SRBD1: variants seen among roughly 807,000 people sequenced by gnomAD.
The protein encoded by SRBD1 is S1 RNA-binding domain-containing protein 1.
In SRBD1, 88 loss-of-function variants were observed where a neutral mutation model predicts 115.3. The observed-to-expected ratio is 0.76, with a 90% confidence interval of 0.64 to 0.91. The LOEUF (loss-of-function observed/expected upper bound fraction) is 0.91, where lower values mean the gene tolerates loss of function less well. SRBD1 is among the 40% of genes least tolerant of loss of function. SRBD1 has a pLI of 0.00. For missense variants in SRBD1, 1,385 were observed against 1,177.4 expected (o/e 1.18, Z -2.58); for synonymous variants, 509 against 407.7 (o/e 1.25, Z -2.99).
chr2:45,538,639 G>A (rs953065568), intron 14 of SRBD1, among the ~76,000 whole-genome samples: 1 of 152,198 alleles, frequency 6.6e-6, no homozygotes, highest in Non-Finnish European at 1.5e-5. Context: ...AGCCAGGAAC[G>A]AACATGAGTT....
chr2:45,476,943 G>C, intron 16 of SRBD1, 50 bp downstream of exon 16: 1 of 1,533,544 alleles, frequency 6.5e-7, no homozygotes, highest in Non-Finnish European at 9.0e-7. Flanking sequence ...TTTGAGTACT[G>C]CTCCTTGTAT....
intron 2 of SRBD1, among the ~76,000 whole-genome samples, 168 bp from the exon 3 acceptor site, chr2:45,602,251 G>C (rs1420244710): frequency 6.6e-6 from 1 of 152,206 alleles, no homozygotes; most frequent in African/African-American, 2.4e-5. Context: ...TGAACCAACA[G>C]AGTTGATGAC....
chr2:45,590,755 G>A (rs947155688), intron 4 of SRBD1, among the ~76,000 whole-genome samples: 3 of 152,156 alleles, frequency 2.0e-5, no homozygotes, highest in African/African-American at 7.2e-5. Context: ...GGTGGCTCAT[G>A]CCTGTAATCC....
intron 14 of SRBD1, 106 bp from the exon 15 acceptor site, chr2:45,488,437 C>A: frequency 8.9e-6 from 7 of 782,496 alleles, no homozygotes; most frequent in South Asian, 1.6e-5. Context: ...AATAACAGGG[C>A]AAACTGTTCT....
At chr2:45,564,331 A>G (rs765456749) in intron 9 of SRBD1, among the ~76,000 whole-genome samples, 15 of 152,196 alleles carry the variant, frequency 9.9e-5, no homozygotes, top group Non-Finnish European at 1.8e-4. Flanking sequence ...GAAATCTCAC[A>G]GCTAACATCA....
chr2:45,419,933 T>G (rs756148389), intron 16 of SRBD1, 39 bp from the exon 17 acceptor site: 6 of 1,489,592 alleles, frequency 4.0e-6, no homozygotes, highest in Non-Finnish European at 5.6e-6. Context: ...GTGAAGGAGA[T>G]GTAGTTCTTG....
At chr2:45,522,165 T>TA (rs1272188995) in intron 14 of SRBD1, among the ~76,000 whole-genome samples, 1 of 151,444 alleles carries the variant, frequency 6.6e-6, no homozygotes, top group Non-Finnish European at 1.5e-5. Context: ...AAATCTAAAA[T>TA]AAAAAAATGC....
At chr2:45,504,009 C>T (rs561627782) in intron 14 of SRBD1, among the ~76,000 whole-genome samples, 162 of 152,178 alleles carry the variant, frequency 1.1e-3, no homozygotes, top group African/African-American at 3.9e-3. Flanking sequence ...AAGCAAGAAG[C>T]TTTCTTTACT....
intron 7 of SRBD1, among the ~76,000 whole-genome samples, chr2:45,577,018 T>A (rs1673199885): frequency 6.6e-6 from 1 of 152,062 alleles, no homozygotes; most frequent in South Asian, 2.1e-4. Flanking sequence ...CAGGTACTTG[T>A]TAAAACTATG....
intron 5 of SRBD1, among the ~76,000 whole-genome samples, chr2:45,583,855 A>G (rs1191326217): frequency 6.6e-6 from 1 of 152,200 alleles, no homozygotes; most frequent in African/African-American, 2.4e-5. Flanking sequence ...CTAATATTCA[A>G]TGTATTCCCC....
intron 4 of SRBD1, among the ~76,000 whole-genome samples, chr2:45,591,097 G>C (rs1417193284): frequency 3.3e-5 from 5 of 151,974 alleles, no homozygotes; most frequent in Non-Finnish European, 7.4e-5. Context: ...GACAAATACA[G>C]GAGTCATGCA....
intron 20 of SRBD1, 54 bp from the exon 21 acceptor site, chr2:45,389,653 C>G (rs1470229960): frequency 6.5e-7 from 1 of 1,531,178 alleles, no homozygotes; most frequent in Non-Finnish European, 8.9e-7. Flanking sequence ...CTAGATACAA[C>G]ATAACTTTGT....
rs1399034059 is a variant in SRBD1, at chr2:45,437,354, G to GT, written c.2050-17461dup. On this transcript the variant is annotated intron_variant, in intron 16 of 20. Transcript: ENST00000263736. ...TAGTAATCAAGACACTGCAGTATTG[G>GT]TTTAAAAAAAAAAAAAAAAAGACAA... Among the ~76,000 whole-genome samples, 116 of 54,196 alleles carry GT rather than the reference G, an allele frequency of 2.1e-3. 1 individual carries two copies. Among genetic ancestry groups the GT allele is most frequent in the Middle Eastern group, 0.016 (2 of 126 alleles). 35.6% of individuals were successfully genotyped at this position (54,196 alleles called of 152,430 possible).
At chr2:45,478,075 A>C (rs1669857727) in intron 15 of SRBD1, among the ~76,000 whole-genome samples, 1 of 152,156 alleles carries the variant, frequency 6.6e-6, no homozygotes, top group Admixed American at 6.6e-5. Context: ...ATAGTTCTAA[A>C]GGCAGCCTCC....
chr2:45,419,936 A>C, intron 16 of SRBD1, 42 bp from the exon 17 acceptor site: 1 of 1,549,740 alleles, frequency 6.5e-7, no homozygotes, highest in Non-Finnish European at 8.9e-7. Flanking sequence ...AAGGAGATGT[A>C]GTTCTTGGAC....
At chr2:45,390,558 T>A (rs1257929065) in intron 20 of SRBD1, among the ~76,000 whole-genome samples, 1 of 152,188 alleles carries the variant, frequency 6.6e-6, no homozygotes, top group African/African-American at 2.4e-5. Flanking sequence ...GAAGGCCCCC[T>A]TTCCTAGGAT....
intron 12 of SRBD1, among the ~76,000 whole-genome samples, chr2:45,550,167 T>G (rs934402891): frequency 1.3e-5 from 2 of 151,852 alleles, no homozygotes; most frequent in Non-Finnish European, 2.9e-5. Flanking sequence ...AGTAACAAAT[T>G]AGACATAGCA....
At chr2:45,456,359 C>T (rs1283645384) in intron 16 of SRBD1, among the ~76,000 whole-genome samples, 2 of 151,786 alleles carry the variant, frequency 1.3e-5, no homozygotes, top group Non-Finnish European at 2.9e-5. Flanking sequence ...GCCTGCTATC[C>T]CAGGTGGTCA....
intron 14 of SRBD1, among the ~76,000 whole-genome samples, chr2:45,533,338 C>A (rs11899012): frequency 0.021 from 3,206 of 152,102 alleles, 55 homozygotes; most frequent in Non-Finnish European, 0.033. Context: ...CTGCACTGGA[C>A]CCTATCTACA....
Sources: allele counts gnomAD v4.1 joint callset (sites outside exome capture counted in the v4.1 genomes callset), GRCh38; gene constraint gnomAD v4.1.1; transcripts MANE v1.5; gene names NCBI Gene and HGNC (gene_info 2026-07-23, HGNC 2026-07-21).